ELAC2: variants seen among roughly 807,000 people sequenced by gnomAD.
ELAC2 encodes the protein zinc phosphodiesterase ELAC protein 2.
In ELAC2, 92 loss-of-function variants were observed where a neutral mutation model predicts 105.2. That is an observed-to-expected ratio of 0.87 (90% CI 0.74 to 1.04). The LOEUF is 1.04. ELAC2 is among the 50% of genes least tolerant of loss of function. The probability of loss-of-function intolerance (pLI) is 0.00; values close to 1 mark genes in which losing one functional copy is unlikely to be tolerated. For synonymous variants in ELAC2, 468 were observed against 409.1 expected (o/e 1.14, Z -1.74); for missense variants, 1,099 against 1,071.7 (o/e 1.03, Z -0.36).
At chr17:13,006,024 A>G (rs1470602865) in intron 8 of ELAC2, 45 bp from the exon 9 acceptor site, 2 of 1,584,542 alleles carry the variant, frequency 1.3e-6, no homozygotes, top group Non-Finnish European at 1.7e-6. Flanking sequence ...GCTAATGAAG[A>G]AGGTTGGTTT....
chr17:12,998,808 A>G (rs909180838), intron 15 of ELAC2, among the ~76,000 whole-genome samples: 1 of 152,162 alleles, frequency 6.6e-6, no homozygotes, highest in Non-Finnish European at 1.5e-5. Flanking sequence ...ATAAAGCCAG[A>G]GTGCAGCTCA....
At chr17:13,000,680 G>T in intron 14 of ELAC2, 1 of 293,250 alleles carries the variant, frequency 3.4e-6, no homozygotes, top group South Asian at 3.3e-5. Flanking sequence ...GGCCCTAGAG[G>T]AGTGACTCTG....
chr17:12,994,341 G>A, intron 22 of ELAC2, 84 bp downstream of exon 22: 2 of 1,490,076 alleles, frequency 1.3e-6, no homozygotes, highest in Non-Finnish European at 1.9e-6. Flanking sequence ...CCCCACATCA[G>A]TGGAGACAAA....
rs560136994 is a variant in ELAC2, at chr17:12,993,809, C to T, written c.2131G>A (p.Val711Met). 8.7e-6 allele frequency: 14 copies of T among 1,614,210 alleles called. No individual in the cohort carries two copies. The highest frequency in any genetic ancestry group is 2.2e-5 in the East Asian group (1 of 44,880). ...THSTTSQAIS[V>M]GMRMNAEFIM... ...AACTCCGCGTTCATCCGCATCCCCACGCTGATGGCTTGGGACGTTGTGCTG... is the reference window on the plus strand; with the variant it reads ...AACTCCGCGTTCATCCGCATCCCCATGCTGATGGCTTGGGACGTTGTGCTG... The change falls in exon 23 of 24, where the codon GTG becomes ATG. Residue 711 changes from valine (V) to methionine (M), a missense_variant. Coordinates refer to ENST00000338034, the MANE Select transcript of ELAC2 (RefSeq NM_018127.7).
At chr17:13,002,161 C>A in intron 14 of ELAC2, 113 bp downstream of exon 14, 1 of 1,142,414 alleles carries the variant, frequency 8.8e-7, no homozygotes, top group East Asian at 2.5e-5. Context: ...TGAATAGTTA[C>A]AACAGAGACC....
rs1310177835 is a variant in ELAC2, at chr17:13,003,478, C to T, written c.1079+1G>A. 6.2e-7 allele frequency: 1 copy of T among 1,614,016 alleles called. No individual in the cohort carries two copies. The highest frequency in any genetic ancestry group is 1.1e-5 in the South Asian group (1 of 91,094). ...AAGTGCCGCTGGGCTGGGCTCCATACCTCTCCATCCACTGCTGGTACCTGC... is the reference window on the plus strand; with the variant it reads ...AAGTGCCGCTGGGCTGGGCTCCATATCTCTCCATCCACTGCTGGTACCTGC... On this transcript the variant is annotated splice_donor_variant, in intron 12 of 23. Coordinates refer to ENST00000338034, the MANE Select transcript of ELAC2 (RefSeq NM_018127.7). LOFTEE classifies it high-confidence loss of function.
intron 6 of ELAC2, among the ~76,000 whole-genome samples, chr17:13,012,480 A>C (rs978177164): frequency 6.6e-6 from 1 of 152,126 alleles, no homozygotes; most frequent in Non-Finnish European, 1.5e-5. Flanking sequence ...CTGGCCTAGG[A>C]GCACTTGTGC....
At chr17:13,001,631 TAAC>T (rs1220656598) in intron 14 of ELAC2, among the ~76,000 whole-genome samples, 1 of 152,236 alleles carries the variant, frequency 6.6e-6, no homozygotes, top group Non-Finnish European at 1.5e-5. Flanking sequence ...TCAAGTACCT[TAAC>T]AAGTCTCACA....
At chr17:13,006,174 C>T (rs1598240594) in intron 8 of ELAC2, 195 bp from the exon 9 acceptor site, 1 of 618,188 alleles carries the variant, frequency 1.6e-6, no homozygotes, top group Non-Finnish European at 2.9e-6. Context: ...AGTTTGAGAC[C>T]AGCCTGACCA....
rs1555570722 is a variant in ELAC2, at chr17:12,992,152, T to TAGAG, written c.*662_*665dup. ...TTTGATTGATTGATTGATTGATTGA[T>TAGAG]AGAGAAAGCACGCCCTGCTGTGAGC... On this transcript the variant is annotated 3_prime_UTR_variant, in exon 24 of 24. Coordinates refer to ENST00000338034, the MANE Select transcript of ELAC2 (RefSeq NM_018127.7). 3.3e-5 allele frequency among the ~76,000 whole-genome samples: 5 copies of TAGAG among 150,962 alleles called. No individual in the cohort carries two copies. The highest frequency in any genetic ancestry group is 9.7e-5 in the African/African-American group (4 of 41,092).
rs145104704 is a variant in ELAC2, at chr17:13,013,311, T to TTAGTGAAGATGTGTGGG, written c.491-53_491-37dup. 19,757 of 1,608,492 alleles carry TTAGTGAAGATGTGTGGG rather than the reference T, an allele frequency of 0.012. 215 individuals carry two copies. Among genetic ancestry groups the TTAGTGAAGATGTGTGGG allele is most frequent in the Non-Finnish European group, 0.013 (15,396 of 1,176,098 alleles). On this transcript the variant is annotated intron_variant, in intron 5 of 23. Coordinates refer to ENST00000338034, the MANE Select transcript of ELAC2 (RefSeq NM_018127.7). ...ACCACACAACAGCAAAGTGATTGCA[T>TTAGTGAAGATGTGTGGG]TAGTGAAGATGTGTGGGAAGAGTAA...
At position 13,005,968 on chromosome 17, in the gene ELAC2, CT is replaced by C; in HGVS notation, c.749del (p.Lys250ArgfsTer60). The stretch of plus-strand genomic sequence containing the variant: ...CTTTGAGCACCAAGAAGTTTCCTCT[CT>C]TTAAGTGAAGCTGCAACAAAGAGAA... The part of the protein sequence containing the change: ...VVAFICKLHL[K>X]RGNFLVLKAK... On this transcript the variant is annotated frameshift_variant, in exon 9 of 24. Transcript: ENST00000338034. LOFTEE classifies it high-confidence loss of function. The C allele has an allele frequency of 6.2e-7, 1 of 1,614,140 alleles. No individual in the cohort carries two copies. The highest frequency in any genetic ancestry group is 1.1e-5 in the South Asian group (1 of 91,084).
chr17:13,009,280 A>C (rs1056756040), intron 8 of ELAC2, among the ~76,000 whole-genome samples: 5 of 152,204 alleles, frequency 3.3e-5, no homozygotes, highest in Admixed American at 1.3e-4. Context: ...AGCTTTTAGA[A>C]TTTAGATAAC....
At chr17:13,000,391 T>A (rs370459292) in intron 14 of ELAC2, 117 bp from the exon 15 acceptor site, 2 of 956,728 alleles carry the variant, frequency 2.1e-6, no homozygotes, top group African/African-American at 3.2e-5. Context: ...TTCCTTCAGA[T>A]CAACACTGAA....
At chr17:12,998,840 G>A (rs1598212284) in intron 15 of ELAC2, among the ~76,000 whole-genome samples, 1 of 152,070 alleles carries the variant, frequency 6.6e-6, no homozygotes. Flanking sequence ...CTTCACAAGC[G>A]TCCACTTCCT....
At chr17:13,007,601 G>C (rs886535719) in intron 8 of ELAC2, among the ~76,000 whole-genome samples, 6 of 152,226 alleles carry the variant, frequency 3.9e-5, no homozygotes, top group Admixed American at 3.9e-4. Context: ...CTTGCTGTTG[G>C]GGGCAGTGGC....
chr17:12,999,452 C>A (rs1472285827), intron 15 of ELAC2, among the ~76,000 whole-genome samples: 1 of 152,226 alleles, frequency 6.6e-6, no homozygotes, highest in Non-Finnish European at 1.5e-5. Flanking sequence ...AAGCCTGTGC[C>A]CGGCCCTCAG....
At chr17:12,996,812 G>A in intron 16 of ELAC2, 127 bp from the exon 17 acceptor site, 1 of 1,294,984 alleles carries the variant, frequency 7.7e-7, no homozygotes, top group Non-Finnish European at 1.1e-6. Flanking sequence ...GCTTTGCTTT[G>A]AGGAGCTAAT....
At chr17:13,000,373 G>C in intron 14 of ELAC2, 99 bp from the exon 15 acceptor site, 1 of 1,129,036 alleles carries the variant, frequency 8.9e-7, no homozygotes, top group South Asian at 1.2e-5. Flanking sequence ...GGGACAATCT[G>C]CAGGAAGTTC....
Sources: gnomAD v4.1 joint callset for allele counts (sites outside exome capture counted in the v4.1 genomes callset) on GRCh38, gnomAD v4.1.1 for gene constraint, MANE v1.5 for transcripts, NCBI Gene and HGNC (gene_info 2026-07-23, HGNC 2026-07-21) for gene names.